NTRK3: variants seen among roughly 807,000 people sequenced by gnomAD.
NTRK3 encodes neurotrophic receptor tyrosine kinase 3.
NTRK3 carries 24 observed loss-of-function variants against 91.7 expected under a neutral mutation model. That is an observed-to-expected ratio of 0.26 (90% CI 0.19 to 0.37). NTRK3 has a LOEUF of 0.37. Ranked by LOEUF, NTRK3 falls within the 10% of genes least tolerant of loss-of-function variation. The pLI, the probability that NTRK3 is intolerant of heterozygous loss-of-function variation, is 1.00. For missense variants in NTRK3, 880 were observed against 1,068.9 expected, an observed-to-expected ratio of 0.82 and a Z score of 2.46; for synonymous variants, 483 against 404.0, an observed-to-expected ratio of 1.20 and a Z score of -2.34.
intron 6 of NTRK3, among the ~76,000 whole-genome samples, chr15:88,141,674 C>T (rs574698154): frequency 6.6e-6 from 1 of 152,384 alleles, no homozygotes; most frequent in Non-Finnish European, 1.5e-5. Flanking sequence ...CCACACAGCA[C>T]TTGATGCTGT....
At chr15:88,190,947 C>T (rs2047334976) in intron 3 of NTRK3, among the ~76,000 whole-genome samples, 1 of 152,220 alleles carries the variant, frequency 6.6e-6, no homozygotes, top group African/African-American at 2.4e-5. Context: ...AACATTCACA[C>T]ACACATACAT....
chr15:88,080,478 T>C (rs906792819), intron 13 of NTRK3, among the ~76,000 whole-genome samples: 1 of 152,252 alleles, frequency 6.6e-6, no homozygotes, highest in African/African-American at 2.4e-5. Flanking sequence ...ATATGTTTAT[T>C]AGCCATTTTA....
At chr15:87,903,492 T>C (rs1220026543) in intron 17 of NTRK3, among the ~76,000 whole-genome samples, 1 of 152,180 alleles carries the variant, frequency 6.6e-6, no homozygotes, top group Admixed American at 6.5e-5. Flanking sequence ...CCTTTTATCA[T>C]CCTGTTCTAG....
At chr15:88,209,915 C>A (rs2049098568) in intron 3 of NTRK3, 1 of 152,372 alleles carries the variant, frequency 6.6e-6, no homozygotes, top group Non-Finnish European at 1.5e-5. Context: ...CAGACTCATT[C>A]TGGGCTTCTG....
intron 3 of NTRK3, among the ~76,000 whole-genome samples, chr15:88,185,196 T>A (rs2046848798): frequency 6.6e-6 from 1 of 152,246 alleles, no homozygotes; most frequent in Admixed American, 6.5e-5. Context: ...ATCTATTAAC[T>A]ACTAATTAAT....
chr15:87,993,263 A>G (rs1364652600), intron 14 of NTRK3, among the ~76,000 whole-genome samples: 3 of 152,206 alleles, frequency 2.0e-5, no homozygotes. Flanking sequence ...TGCAATCAGT[A>G]AAGTCCACAT....
intron 14 of NTRK3, among the ~76,000 whole-genome samples, chr15:87,967,826 A>C (rs575008354): frequency 6.6e-6 from 1 of 152,356 alleles, no homozygotes; most frequent in Admixed American, 6.5e-5. Context: ...GTTTGCTTTA[A>C]GTCAACACCC....
chr15:88,060,446 G>T (rs556844722), intron 13 of NTRK3, among the ~76,000 whole-genome samples: 1 of 151,862 alleles, frequency 6.6e-6, no homozygotes, highest in Non-Finnish European at 1.5e-5. Flanking sequence ...TGTTCTCCAT[G>T]GTGGGAAGCA....
intron 5 of NTRK3, among the ~76,000 whole-genome samples, chr15:88,155,046 TTATG>T (rs1340059640): frequency 6.6e-6 from 1 of 152,184 alleles, no homozygotes. Context: ...GTCCATTTGA[TTATG>T]TGTTGTCTAC....
chr15:88,212,150 C>T (rs1380545474), intron 3 of NTRK3, among the ~76,000 whole-genome samples: 1 of 152,106 alleles, frequency 6.6e-6, no homozygotes, highest in Non-Finnish European at 1.5e-5. Flanking sequence ...GGGCACATCA[C>T]GAGGTCAGGA....
chr15:88,101,416 G>A (rs2050159278), intron 13 of NTRK3, among the ~76,000 whole-genome samples: 1 of 152,192 alleles, frequency 6.6e-6, no homozygotes, highest in Non-Finnish European at 1.5e-5. Flanking sequence ...TACACTGTTG[G>A]TGGGACTGTA....
intron 5 of NTRK3, among the ~76,000 whole-genome samples, chr15:88,176,890 G>A (rs897172293): frequency 1.3e-5 from 2 of 152,258 alleles, no homozygotes; most frequent in African/African-American, 2.4e-5. Context: ...GCCACATGAC[G>A]GAATAAAATG....
intron 3 of NTRK3, among the ~76,000 whole-genome samples, chr15:88,207,752 A>G (rs2048917960): frequency 6.6e-6 from 1 of 152,160 alleles, no homozygotes; most frequent in Non-Finnish European, 1.5e-5. Flanking sequence ...TCCCGGAGCT[A>G]TCATCAGCAT....
At chr15:88,000,580 T>C (rs951119887) in intron 14 of NTRK3, among the ~76,000 whole-genome samples, 1 of 152,246 alleles carries the variant, frequency 6.6e-6, no homozygotes, top group African/African-American at 2.4e-5. Context: ...TTGCTTATTC[T>C]GGACAAATCA....
At chr15:88,176,662 T>C (rs904991658) in intron 5 of NTRK3, among the ~76,000 whole-genome samples, 5 of 152,256 alleles carry the variant, frequency 3.3e-5, no homozygotes, top group Admixed American at 6.5e-5. Flanking sequence ...ATCCAGAAAA[T>C]GATCAAGTCA....
At chr15:88,085,982 C>T (rs1236091131) in intron 13 of NTRK3, among the ~76,000 whole-genome samples, 1 of 152,140 alleles carries the variant, frequency 6.6e-6, no homozygotes, top group Non-Finnish European at 1.5e-5. Flanking sequence ...ACAGAATGAG[C>T]CTAGGGCATC....
chr15:87,923,081 C>T (rs1167773676), intron 17 of NTRK3, among the ~76,000 whole-genome samples: 1 of 152,186 alleles, frequency 6.6e-6, no homozygotes, highest in South Asian at 2.1e-4. Context: ...GTAAGAATGG[C>T]TTGGCCTATC....
At chr15:88,091,873 AC>A (rs1016247026) in intron 13 of NTRK3, among the ~76,000 whole-genome samples, 1 of 152,112 alleles carries the variant, frequency 6.6e-6, no homozygotes, top group African/African-American at 2.4e-5. Flanking sequence ...CTAAAACTCC[AC>A]CCCTTTCTGC....
chr15:87,925,993 T>C (rs1344368686), intron 17 of NTRK3, among the ~76,000 whole-genome samples: 1 of 152,230 alleles, frequency 6.6e-6, no homozygotes, highest in African/African-American at 2.4e-5. Context: ...ATTAACTTGC[T>C]TAACATCAAC....
Sources: gnomAD v4.1 joint callset for allele counts (sites outside exome capture counted in the v4.1 genomes callset) on GRCh38, gnomAD v4.1.1 for gene constraint, MANE v1.5 for transcripts, NCBI Gene and HGNC (gene_info 2026-07-23, HGNC 2026-07-21) for gene names.